The following MACROD2 variants were observed in gnomAD, a reference collection of about 807,000 sequenced individuals.
The protein encoded by MACROD2 is ADP-ribose glycohydrolase MACROD2.
MACROD2 carries 36 observed loss-of-function variants against 70.4 expected under a neutral mutation model. That is an observed-to-expected ratio of 0.51 (90% CI 0.39 to 0.68). The LOEUF is 0.68. MACROD2 is among the 30% of genes least tolerant of loss of function. The pLI, the probability that MACROD2 is intolerant of heterozygous loss-of-function variation, is 0.00. For missense variants in MACROD2, 496 were observed against 538.4 expected (o/e 0.92, Z 0.78); for synonymous variants, 172 against 178.8 (o/e 0.96, Z 0.30).
At chr20:15,397,113 G>C (rs1359368387) in intron 6 of MACROD2, among the ~76,000 whole-genome samples, 5 of 152,238 alleles carry the variant, frequency 3.3e-5, no homozygotes, top group South Asian at 4.1e-4. Context: ...GGCTTTACCC[G>C]AGCAGTCCTA....
chr20:14,862,534 TAA>T lies in MACROD2; in HGVS notation c.418+177577_418+177578del, dbSNP rs2073367589. On this transcript the variant is annotated intron_variant, in intron 5 of 17. Transcript: ENST00000684519. ...ATATATATATAAATATAAATATATA[TAA>T]ATATATAAAAATATATATATAAATA... Among the ~76,000 whole-genome samples the T allele has an allele frequency of 1.6e-3, 47 of 29,124 alleles. 3 individuals are homozygous for T. Among genetic ancestry groups the T allele is most frequent in the East Asian group, 2.9e-3 (2 of 694 alleles). 19.1% of individuals were successfully genotyped at this position (29,124 alleles called of 152,430 possible).
chr20:14,395,686 C>T (rs893777150), intron 3 of MACROD2, among the ~76,000 whole-genome samples: 4 of 152,116 alleles, frequency 2.6e-5, no homozygotes, highest in Non-Finnish European at 4.4e-5. Flanking sequence ...TAGGTCATTA[C>T]TTGATACATT....
chr20:14,713,945 C>T (rs1395466027), intron 5 of MACROD2, among the ~76,000 whole-genome samples: 10 of 151,978 alleles, frequency 6.6e-5, no homozygotes, highest in Non-Finnish European at 1.5e-5. Flanking sequence ...ACAGGGAGAA[C>T]AGAGGTGGGA....
intron 5 of MACROD2, among the ~76,000 whole-genome samples, chr20:15,000,341 C>CATGGAAATGTTCATTTT: frequency 6.7e-6 from 1 of 150,144 alleles, no homozygotes; most frequent in African/African-American, 2.5e-5. Flanking sequence ...GAGGTAGAAA[C>CATGGAAATGTTCATTTT]GGCCGGGCGC....
chr20:15,155,866 CATAAA>C (rs1186550493), intron 5 of MACROD2, among the ~76,000 whole-genome samples: 15 of 149,390 alleles, frequency 1.0e-4, no homozygotes, highest in African/African-American at 3.5e-4. Flanking sequence ...AAAAAAAAAA[CATAAA>C]ATGACCCAAT....
intron 8 of MACROD2, among the ~76,000 whole-genome samples, chr20:15,523,734 G>A (rs1442557013): frequency 6.6e-6 from 1 of 152,162 alleles, no homozygotes; most frequent in Non-Finnish European, 1.5e-5. Flanking sequence ...ACCTGCCCAG[G>A]TCTCTGTTTC....
chr20:14,724,721 A>T lies in MACROD2; in HGVS notation c.418+39762A>T, dbSNP rs1164861671. ...AAGGCAAAAAGGCCAGTGAGACTTGAGCATGATCATCTAAGGAGAAAGTCA... is the reference window on the plus strand; with the variant it reads ...AAGGCAAAAAGGCCAGTGAGACTTGTGCATGATCATCTAAGGAGAAAGTCA... On this transcript the variant is annotated intron_variant, in intron 5 of 17. Transcript: ENST00000684519. Among the ~76,000 whole-genome samples, 3 of 152,320 alleles carry T rather than the reference A, an allele frequency of 2.0e-5. No individual in the cohort carries two copies. In the East Asian group the frequency reaches 5.8e-4, roughly 29 times the overall value.
At chr20:13,997,801 T>G (rs546076020) in intron 1 of MACROD2, among the ~76,000 whole-genome samples, 2 of 152,270 alleles carry the variant, frequency 1.3e-5, no homozygotes, top group African/African-American at 2.4e-5. Flanking sequence ...TTAATGCATA[T>G]CTCAGTGTTT....
At chr20:15,895,574 G>T (rs747472714) in intron 10 of MACROD2, among the ~76,000 whole-genome samples, 14 of 152,228 alleles carry the variant, frequency 9.2e-5, no homozygotes, top group Non-Finnish European at 2.1e-4. Flanking sequence ...GGCTGAAGAA[G>T]AGCCCCAGAA....
chr20:14,847,294 A>T (rs1311926699), intron 5 of MACROD2, among the ~76,000 whole-genome samples: 1 of 152,124 alleles, frequency 6.6e-6, no homozygotes, highest in African/African-American at 2.4e-5. Flanking sequence ...ATGTTTATTT[A>T]TGCATTTATT....
At chr20:14,730,342 T>A (rs924695659) in intron 5 of MACROD2, among the ~76,000 whole-genome samples, 11 of 152,178 alleles carry the variant, frequency 7.2e-5, no homozygotes, top group Admixed American at 3.3e-4. Context: ...TGAGGCCCAA[T>A]CATGCTACTC....
intron 2 of MACROD2, among the ~76,000 whole-genome samples, chr20:14,034,962 T>C (rs964071349): frequency 8.5e-5 from 13 of 152,178 alleles, no homozygotes; most frequent in Non-Finnish European, 1.5e-4. Context: ...TGTTTTATGA[T>C]TTTTTTCTTC....
intron 3 of MACROD2, among the ~76,000 whole-genome samples, chr20:14,117,078 A>T (rs1223377819): frequency 6.6e-6 from 1 of 152,110 alleles, no homozygotes. Context: ...AAAAAAAAAA[A>T]AAAAATGTAC....
chr20:14,142,538 C>T (rs1463932945), intron 3 of MACROD2, among the ~76,000 whole-genome samples: 1 of 152,086 alleles, frequency 6.6e-6, no homozygotes, highest in Non-Finnish European at 1.5e-5. Flanking sequence ...GCCTAGATGC[C>T]CGAGCTGTAT....
At chr20:15,395,432 AC>A (rs1427700744) in intron 6 of MACROD2, among the ~76,000 whole-genome samples, 2 of 152,128 alleles carry the variant, frequency 1.3e-5, no homozygotes, top group East Asian at 3.8e-4. Flanking sequence ...TCATTCATTT[AC>A]TTATTTATCA....
intron 3 of MACROD2, among the ~76,000 whole-genome samples, chr20:14,395,405 T>C (rs1280871101): frequency 6.6e-6 from 1 of 152,144 alleles, no homozygotes; most frequent in Non-Finnish European, 1.5e-5. Flanking sequence ...TATTTTCTTA[T>C]TATCCTTTTA....
rs2077879748 is a variant in MACROD2, at chr20:15,322,093, TAC to T, written c.540+92038_540+92039del. On this transcript the variant is annotated intron_variant, in intron 6 of 17. Coordinates refer to ENST00000684519, the MANE Select transcript of MACROD2 (RefSeq NM_001351661.2). ...GGCATGAGCCACTGCACCCGGCCAC[TAC>T]ACACAGTCTTTAAACTTAAGGGGTT... Among the ~76,000 whole-genome samples, 2 of 144,166 alleles carry T rather than the reference TAC, an allele frequency of 1.4e-5. 1 individual carries two copies. The highest frequency in any genetic ancestry group is 3.1e-5 in the Non-Finnish European group (2 of 63,732). 94.6% of individuals were successfully genotyped at this position (144,166 alleles called of 152,430 possible). A position where few individuals can be genotyped will look rare whatever the true frequency, so the allele number is the denominator to read the frequency against.
chr20:14,500,011 T>G (rs767110342), intron 4 of MACROD2, among the ~76,000 whole-genome samples: 2 of 152,124 alleles, frequency 1.3e-5, no homozygotes, highest in South Asian at 4.1e-4. Context: ...GTCAACAGCT[T>G]ATAGTGGTCA....
intron 6 of MACROD2, among the ~76,000 whole-genome samples, chr20:15,298,097 T>A (rs891656909): frequency 2.0e-5 from 3 of 152,224 alleles, no homozygotes; most frequent in African/African-American, 7.2e-5. Context: ...GATTGAGAAC[T>A]GGGCTTTGGA....
Sources: gnomAD v4.1 joint callset for allele counts (sites outside exome capture counted in the v4.1 genomes callset) on GRCh38, gnomAD v4.1.1 for gene constraint, MANE v1.5 for transcripts, NCBI Gene and HGNC (gene_info 2026-07-23, HGNC 2026-07-21) for gene names.